NEGR1: variants seen among roughly 807,000 people sequenced by gnomAD.
The protein encoded by NEGR1 is IgLON family member 4.
In NEGR1, 10 loss-of-function variants were observed where a neutral mutation model predicts 40.9. The ratio of observed to expected loss-of-function variants is 0.24; its 90% CI spans 0.15 to 0.42. The LOEUF (loss-of-function observed/expected upper bound fraction) is 0.42, where lower values mean the gene tolerates loss of function less well. NEGR1 is among the 10% of genes least tolerant of loss of function. The probability of loss-of-function intolerance (pLI) is 1.00; values close to 1 mark genes in which losing one functional copy is unlikely to be tolerated. For missense variants in NEGR1, 352 were observed against 438.9 expected, an observed-to-expected ratio of 0.80 and a Z score of 1.77; for synonymous variants, 185 against 166.8, an observed-to-expected ratio of 1.11 and a Z score of -0.84.
At chr1:71,888,257 C>T (rs1344864054) in intron 2 of NEGR1, among the ~76,000 whole-genome samples, 3 of 152,062 alleles carry the variant, frequency 2.0e-5, no homozygotes, top group East Asian at 1.9e-4. Flanking sequence ...CAGCTCCCAG[C>T]GTGAGCGACG....
intron 1 of NEGR1, among the ~76,000 whole-genome samples, chr1:72,281,229 AAG>A (rs1656233190): frequency 6.6e-6 from 1 of 150,536 alleles, no homozygotes; most frequent in South Asian, 2.1e-4. Context: ...AAGACACAGA[AAG>A]AGAAAAAGAG....
At chr1:71,659,384 C>T (rs767259074) in intron 4 of NEGR1, among the ~76,000 whole-genome samples, 10 of 152,032 alleles carry the variant, frequency 6.6e-5, no homozygotes, top group Non-Finnish European at 1.5e-4. Flanking sequence ...CTCTGGAAGA[C>T]AACCTAGGCA....
At chr1:71,471,295 T>C (rs1458520860) in intron 6 of NEGR1, among the ~76,000 whole-genome samples, 1 of 152,186 alleles carries the variant, frequency 6.6e-6, no homozygotes, top group Non-Finnish European at 1.5e-5. Flanking sequence ...AAATATTCTC[T>C]TGCTATGTTC....
intron 6 of NEGR1, among the ~76,000 whole-genome samples, chr1:71,509,318 C>T (rs1647057744): frequency 6.6e-6 from 1 of 152,166 alleles, no homozygotes; most frequent in Non-Finnish European, 1.5e-5. Flanking sequence ...TCCCACATTG[C>T]AGAGGTCAGA....
At chr1:71,772,810 T>C (rs1430601718) in intron 3 of NEGR1, among the ~76,000 whole-genome samples, 1 of 152,146 alleles carries the variant, frequency 6.6e-6, no homozygotes, top group East Asian at 1.9e-4. Context: ...ATATACTTAG[T>C]CTACCCACAG....
intron 6 of NEGR1, among the ~76,000 whole-genome samples, chr1:71,458,586 A>G (rs1646691583): frequency 6.6e-6 from 1 of 152,202 alleles, no homozygotes; most frequent in African/African-American, 2.4e-5. Context: ...TCATACCAGT[A>G]ATCCATAAGC....
intron 1 of NEGR1, among the ~76,000 whole-genome samples, chr1:71,943,085 T>TAC (rs1165037177): frequency 1.3e-4 from 19 of 146,516 alleles, no homozygotes; most frequent in African/African-American, 3.0e-4. Flanking sequence ...TGTATATATA[T>TAC]ACACACATAC....
chr1:71,429,319 T>C (rs1466199793), intron 6 of NEGR1, among the ~76,000 whole-genome samples: 1 of 152,226 alleles, frequency 6.6e-6, no homozygotes, highest in Non-Finnish European at 1.5e-5. Context: ...GTTTTTGTTA[T>C]TTTTACAAAA....
At chr1:71,500,875 A>C (rs1459274338) in intron 6 of NEGR1, among the ~76,000 whole-genome samples, 1 of 151,924 alleles carries the variant, frequency 6.6e-6, no homozygotes, top group Non-Finnish European at 1.5e-5. Context: ...TATATGTTTT[A>C]TTTGTATTAT....
intron 5 of NEGR1, among the ~76,000 whole-genome samples, chr1:71,596,284 C>T (rs530156418): frequency 2.0e-5 from 3 of 152,370 alleles, no homozygotes. Context: ...AACCATAACT[C>T]TCGCTCCTCT....
chr1:71,792,772 G>T (rs1291042504), intron 2 of NEGR1, among the ~76,000 whole-genome samples: 1 of 152,026 alleles, frequency 6.6e-6, no homozygotes, highest in Non-Finnish European at 1.5e-5. Context: ...GTACCTTCAG[G>T]AACTAAGCTG....
rs1357292220 is a variant in NEGR1, at chr1:71,698,272, T to G, written c.536-133A>C. The G allele has an allele frequency of 3.8e-6, 3 of 779,928 alleles. No homozygotes were observed. In the African/African-American group the frequency reaches 5.3e-5, roughly 14 times the overall value. 48.3% of individuals were successfully genotyped at this position (779,928 alleles called of 1,614,324 possible). On this transcript the variant is annotated intron_variant, in intron 3 of 6. Coordinates refer to ENST00000357731, the MANE Select transcript of NEGR1 (RefSeq NM_173808.3). ...AATGAAACTGGGGAATTATTAAACC[T>G]TTTGTTCTTCTATGTTCAGAGGAAA...
intron 6 of NEGR1, among the ~76,000 whole-genome samples, chr1:71,526,203 T>A: frequency 6.6e-6 from 1 of 151,620 alleles, no homozygotes; most frequent in Admixed American, 6.6e-5. Context: ...GCATATTAAT[T>A]GGAATTTGAA....
chr1:72,206,942 T>A (rs867964365), intron 1 of NEGR1, among the ~76,000 whole-genome samples: 4 of 151,422 alleles, frequency 2.6e-5, no homozygotes, highest in African/African-American at 7.3e-5. Flanking sequence ...TCACAAAGAC[T>A]AACAGAGAAG....
intron 1 of NEGR1, among the ~76,000 whole-genome samples, chr1:72,134,849 T>C (rs926683649): frequency 6.6e-6 from 1 of 151,366 alleles, no homozygotes; most frequent in Non-Finnish European, 1.5e-5. Context: ...GCGATTCTCC[T>C]GCCTCAGCCT....
intron 1 of NEGR1, among the ~76,000 whole-genome samples, chr1:72,269,346 T>A (rs1465932884): frequency 6.6e-6 from 1 of 151,652 alleles, no homozygotes; most frequent in Non-Finnish European, 1.5e-5. Context: ...GTGATTCAGC[T>A]GTTCAGGGTT....
At chr1:71,570,336 A>C (rs909507462) in intron 6 of NEGR1, among the ~76,000 whole-genome samples, 1 of 152,194 alleles carries the variant, frequency 6.6e-6, no homozygotes, top group Non-Finnish European at 1.5e-5. Flanking sequence ...CTCCTTGCTT[A>C]AAACTATAGC....
chr1:71,442,226 C>CTTTT (rs35594326), intron 6 of NEGR1, among the ~76,000 whole-genome samples: 4 of 84,956 alleles, frequency 4.7e-5, no homozygotes, highest in East Asian at 4.0e-4. Context: ...GGTAGCATTC[C>CTTTT]TTTTTTTTTT....
At chr1:71,949,903 T>A (rs954915789) in intron 1 of NEGR1, among the ~76,000 whole-genome samples, 3 of 152,072 alleles carry the variant, frequency 2.0e-5, no homozygotes, top group Admixed American at 6.6e-5. Flanking sequence ...GCTGCTCATA[T>A]AGTTTCGTTT....
Sources: gnomAD v4.1 joint callset for allele counts (sites outside exome capture counted in the v4.1 genomes callset) on GRCh38, gnomAD v4.1.1 for gene constraint, MANE v1.5 for transcripts, NCBI Gene and HGNC (gene_info 2026-07-23, HGNC 2026-07-21) for gene names.